Variants in ORC2 observed in about 807,000 individuals in gnomAD.
ORC2 encodes origin recognition complex protein 2 homolog.
Under a neutral mutation model 77.7 loss-of-function variants are expected in ORC2, and 37 were observed. That is an observed-to-expected ratio of 0.48 (90% CI 0.37 to 0.63). ORC2 has a LOEUF of 0.63. ORC2 is among the 20% of genes least tolerant of loss of function. The pLI, the probability that ORC2 is intolerant of heterozygous loss-of-function variation, is 0.00. For synonymous variants in ORC2, 201 were observed against 229.5 expected (o/e 0.88, Z 1.12); for missense variants, 557 against 661.9 (o/e 0.84, Z 1.74).
At position 200,922,774 on chromosome 2, in the gene ORC2, C is replaced by T. The variant is rs372796454; in HGVS notation, c.1148-1635G>A. On this transcript the variant is annotated intron_variant, in intron 13 of 17. Transcript: ENST00000234296. The stretch of plus-strand genomic sequence containing the variant: ...GCACACAAATATAAAGTGACTTAGG[C>T]ATCTATTTTAATGAGCATACGAACA... Among the ~76,000 whole-genome samples the T allele has an allele frequency of 2.0e-4, 31 of 152,242 alleles. No individual in the cohort carries two copies. The East Asian group carries it at 4.8e-3, about 24-fold the overall frequency.
At chr2:200,953,583 T>C (rs927588416) in intron 4 of ORC2, among the ~76,000 whole-genome samples, 3 of 152,162 alleles carry the variant, frequency 2.0e-5, no homozygotes, top group East Asian at 1.9e-4. Flanking sequence ...TTTCCACTTA[T>C]GGGTATAAAC....
chr2:200,949,241 TAAA>T (rs746523658), intron 5 of ORC2, among the ~76,000 whole-genome samples: 2 of 134,514 alleles, frequency 1.5e-5, no homozygotes, highest in Non-Finnish European at 1.6e-5. Context: ...ACTCCACCTT[TAAA>T]AAAAAAAAAA....
intron 7 of ORC2, among the ~76,000 whole-genome samples, chr2:200,940,109 T>G (rs1184502427): frequency 6.6e-6 from 1 of 152,076 alleles, no homozygotes; most frequent in African/African-American, 2.4e-5. Context: ...GTCTCATGAA[T>G]GCCTCCTGAT....
intron 4 of ORC2, among the ~76,000 whole-genome samples, chr2:200,952,290 C>A (rs927846806): frequency 6.6e-6 from 1 of 151,944 alleles, no homozygotes; most frequent in Non-Finnish European, 1.5e-5. Flanking sequence ...GACGGAGTCT[C>A]ACTCTGTCGC....
intron 1 of ORC2, among the ~76,000 whole-genome samples, chr2:200,962,609 C>G (rs903455293): frequency 3.3e-5 from 5 of 152,080 alleles, no homozygotes; most frequent in Admixed American, 3.3e-4. Flanking sequence ...TAACCTTTTT[C>G]TTTTTTAGCT....
intron 13 of ORC2, among the ~76,000 whole-genome samples, chr2:200,925,398 A>T (rs1206325818): frequency 1.3e-5 from 2 of 152,182 alleles, no homozygotes; most frequent in Non-Finnish European, 2.9e-5. Flanking sequence ...AAGTTCATAG[A>T]AAAAGGACAA....
chr2:200,953,746 T>C (rs1188500102), intron 4 of ORC2, among the ~76,000 whole-genome samples: 2 of 152,184 alleles, frequency 1.3e-5, no homozygotes, highest in East Asian at 3.9e-4. Flanking sequence ...GTTTGGGAGA[T>C]TGGTTACAAA....
At chr2:200,916,637 C>T (rs550260675) in intron 15 of ORC2, among the ~76,000 whole-genome samples, 3 of 152,184 alleles carry the variant, frequency 2.0e-5, no homozygotes, top group Non-Finnish European at 4.4e-5. Flanking sequence ...AGAATGAAGA[C>T]TTTGTCCCCA....
rs1248420291 is a variant in ORC2, at chr2:200,926,817, G to T, written c.1001C>A (p.Ser334Tyr). The change falls in exon 12 of 18, where the codon TCC becomes TAC. Residue 334 changes from serine to tyrosine, a missense_variant. Physicochemically the swap from Ser to Tyr is moderately radical, Grantham distance 144 (BLOSUM62 -2). Coordinates refer to ENST00000234296, the MANE Select transcript of ORC2 (RefSeq NM_006190.5). ...ERFRTTMLQD[S>Y]IHVVINGFFP... ...GAAGCCATTGATGACAACGTGAATG[G>T]AATCTTGCAGCATAGTGGTTCGAAA... is the stretch of plus-strand genomic sequence containing the variant. The T allele has an allele frequency of 2.5e-6, 4 of 1,613,854 alleles. No individual in the cohort carries two copies. Among genetic ancestry groups the T allele is most frequent in the Non-Finnish European group, 3.4e-6 (4 of 1,179,792 alleles).
intron 4 of ORC2, among the ~76,000 whole-genome samples, chr2:200,955,943 T>C (rs1172230937): frequency 6.6e-6 from 1 of 152,222 alleles, no homozygotes; most frequent in Non-Finnish European, 1.5e-5. Flanking sequence ...ACACACATAA[T>C]ACCAGCATCC....
intron 10 of ORC2, among the ~76,000 whole-genome samples, chr2:200,932,319 T>C (rs1325694971): frequency 3.3e-5 from 5 of 151,662 alleles, no homozygotes; most frequent in Admixed American, 6.6e-5. Context: ...CTCATGTATG[T>C]ACTTTCATTT....
intron 15 of ORC2, among the ~76,000 whole-genome samples, chr2:200,916,398 T>C (rs1029466712): frequency 3.3e-5 from 5 of 151,938 alleles, no homozygotes; most frequent in African/African-American, 9.7e-5. Flanking sequence ...GGCATGAAAA[T>C]TCCTTAAACC....
At chr2:200,944,338 T>A (rs1050515782) in intron 5 of ORC2, among the ~76,000 whole-genome samples, 2 of 152,138 alleles carry the variant, frequency 1.3e-5, no homozygotes, top group Non-Finnish European at 2.9e-5. Flanking sequence ...CATGCCCACC[T>A]AATTTTTTGT....
chr2:200,917,193 C>T (rs2040672173), intron 15 of ORC2, among the ~76,000 whole-genome samples: 1 of 151,968 alleles, frequency 6.6e-6, no homozygotes, highest in Non-Finnish European at 1.5e-5. Flanking sequence ...TGCGGTTTCA[C>T]CATGTTGGCC....
chr2:200,942,682 T>TA lies in ORC2; in HGVS notation c.421+2dup. On this transcript the variant is annotated splice_region_variant and intron_variant, in intron 6 of 17. Coordinates refer to ENST00000234296, the MANE Select transcript of ORC2 (RefSeq NM_006190.5). ...TTTTCAAAGAACTAATGTAATGTCT[T>TA]ACCCTTGCTACTTTGAGGAACGTTT... 3.2e-6 allele frequency: 5 copies of TA among 1,559,966 alleles called. No homozygotes were observed. The highest frequency in any genetic ancestry group is 4.4e-6 in the Non-Finnish European group (5 of 1,136,254).
chr2:200,909,531 C>G lies in ORC2; in HGVS notation c.*1770G>C, dbSNP rs184246427. 1.3e-5 allele frequency: 2 copies of G among 151,824 alleles called. No individual in the cohort carries two copies. Among genetic ancestry groups the G allele is most frequent in the East Asian group, 3.9e-4 (2 of 5,142 alleles). The allele number at this position is 151,824 out of a possible 1,614,324, so 9.4% of individuals were successfully genotyped here. On this transcript the variant is annotated 3_prime_UTR_variant, in exon 18 of 18. Transcript: ENST00000234296. ...CCAGCCTGGCCAACATGGTGAAACC[C>G]CATCTCTGCTAAAAATTCAAAAACT...
At chr2:200,920,745 A>G (rs1345189861) in intron 14 of ORC2, among the ~76,000 whole-genome samples, 1 of 152,168 alleles carries the variant, frequency 6.6e-6, no homozygotes, top group African/African-American at 2.4e-5. Flanking sequence ...AGAGACCAAA[A>G]TAATAGTTGG....
intron 9 of ORC2, among the ~76,000 whole-genome samples, chr2:200,934,454 A>G (rs1204396055): frequency 2.6e-5 from 4 of 151,310 alleles, no homozygotes; most frequent in Non-Finnish European, 5.9e-5. Flanking sequence ...AGCTGGGACT[A>G]CAGGCATGCA....
intron 5 of ORC2, among the ~76,000 whole-genome samples, chr2:200,943,442 TAA>T (rs1241611604): frequency 6.6e-6 from 1 of 152,018 alleles, no homozygotes; most frequent in African/African-American, 2.4e-5. Flanking sequence ...TAAAAAAATA[TAA>T]GTGTTATCTT....
Sources: gnomAD v4.1 joint callset for allele counts (sites outside exome capture counted in the v4.1 genomes callset) on GRCh38, gnomAD v4.1.1 for gene constraint, MANE v1.5 for transcripts, NCBI Gene and HGNC (gene_info 2026-07-23, HGNC 2026-07-21) for gene names.